The following DGKI variants were observed in gnomAD, a reference collection of about 807,000 sequenced individuals.
DGKI encodes the protein diacylglycerol kinase iota, also known as DAG kinase iota.
Under a neutral mutation model 147.5 loss-of-function variants are expected in DGKI, and 55 were observed. The observed-to-expected ratio is 0.37, with a 90% CI of 0.30 to 0.47. The LOEUF is 0.47. DGKI is among the 20% of genes least tolerant of loss of function. DGKI has a pLI of 1.00. For missense variants in DGKI, 1,007 were observed against 1,323.8 expected, an observed-to-expected ratio of 0.76 and a Z score of 3.71; for synonymous variants, 469 against 477.1, an observed-to-expected ratio of 0.98 and a Z score of 0.22.
chr7:137,752,265 CAA>C (rs3839667), intron 1 of DGKI, among the ~76,000 whole-genome samples: 3 of 142,098 alleles, frequency 2.1e-5, no homozygotes, highest in Admixed American at 7.0e-5. Flanking sequence ...ATCAACAATA[CAA>C]AAAAAAAAAG....
chr7:137,722,696 A>G lies in DGKI; in HGVS notation c.402-32694T>C, dbSNP rs1371946941. The G allele has an allele frequency of 4.4e-6, 7 of 1,578,080 alleles. No homozygotes were observed. The East Asian group carries it at 1.6e-4, about 35-fold the overall frequency. On this transcript the variant is annotated intron_variant, in intron 1 of 32. Coordinates refer to ENST00000614521, the MANE Select transcript of DGKI (RefSeq NM_001321708.2). ...GAAGGTGAGATCTTCGACACAGAAA[A>G]AGAGAAATATGAGATTACGGAGCAG...
intron 27 of DGKI, among the ~76,000 whole-genome samples, chr7:137,453,926 T>TG (rs1287255958): frequency 2.1e-5 from 3 of 144,760 alleles, no homozygotes; most frequent in Admixed American, 2.0e-4. Flanking sequence ...AATATCTTGT[T>TG]TTTTTTTTTT....
intron 3 of DGKI, among the ~76,000 whole-genome samples, chr7:137,656,815 T>A (rs1822242185): frequency 1.3e-5 from 2 of 152,188 alleles, no homozygotes; most frequent in Admixed American, 6.5e-5. Context: ...GCTCCAATAT[T>A]TTGAGCATAT....
At chr7:137,441,846 C>T (rs921782012) in intron 28 of DGKI, among the ~76,000 whole-genome samples, 6 of 152,164 alleles carry the variant, frequency 3.9e-5, no homozygotes, top group African/African-American at 1.4e-4. Context: ...CTTCTCACCT[C>T]TCCTACAAGT....
chr7:137,466,344 T>C (rs995881719), intron 25 of DGKI, among the ~76,000 whole-genome samples: 1 of 152,070 alleles, frequency 6.6e-6, no homozygotes, highest in Non-Finnish European at 1.5e-5. Flanking sequence ...CCAGCAGGAG[T>C]GTATGGTAAG....
intron 19 of DGKI, among the ~76,000 whole-genome samples, chr7:137,569,576 AAAATTAG>A (rs1818714166): frequency 6.6e-6 from 1 of 151,300 alleles, no homozygotes; most frequent in East Asian, 2.0e-4. Context: ...AAAATACAAA[AAAATTAG>A]CCGGGCGTGG....
At chr7:137,668,138 C>T (rs1054706049) in intron 3 of DGKI, among the ~76,000 whole-genome samples, 3 of 152,088 alleles carry the variant, frequency 2.0e-5, no homozygotes, top group Non-Finnish European at 4.4e-5. Context: ...CCTGGGGGAC[C>T]AAGACTGATG....
At chr7:137,420,690 C>G (rs186846870) in intron 28 of DGKI, among the ~76,000 whole-genome samples, 17 of 152,148 alleles carry the variant, frequency 1.1e-4, no homozygotes, top group African/African-American at 3.6e-4. Flanking sequence ...ATTAAAAATT[C>G]TGTCTTAGGT....
At chr7:137,580,875 A>G (rs1019223070) in intron 15 of DGKI, among the ~76,000 whole-genome samples, 10 of 152,144 alleles carry the variant, frequency 6.6e-5, no homozygotes, top group Admixed American at 3.9e-4. Context: ...CTGGAGGGAA[A>G]AAAGTAAAGT....
chr7:137,724,874 G>C (rs940463631), intron 1 of DGKI, among the ~76,000 whole-genome samples: 2 of 152,202 alleles, frequency 1.3e-5, no homozygotes, highest in African/African-American at 4.8e-5. Flanking sequence ...CAAGTAGGGA[G>C]TAGCTGGGAA....
In DGKI at chr7:137,504,849, T is replaced by C. The variant is rs146756657; in HGVS notation, c.2248+17017A>G. Among the ~76,000 whole-genome samples, 429 of 152,160 alleles carry C rather than the reference T, an allele frequency of 2.8e-3. 2 individuals carry two copies. Among genetic ancestry groups the C allele is most frequent in the African/African-American group, 9.8e-3 (407 of 41,514 alleles). On this transcript the variant is annotated intron_variant, in intron 21 of 32. Coordinates refer to ENST00000614521, the MANE Select transcript of DGKI (RefSeq NM_001321708.2). ...CATTTTAGATACAACACCAAAAGCA[T>C]GATCCATGAAAGAAAAAAATGGTTA...
intron 1 of DGKI, among the ~76,000 whole-genome samples, chr7:137,697,131 G>A (rs1172269144): frequency 6.6e-6 from 1 of 152,146 alleles, no homozygotes; most frequent in African/African-American, 2.4e-5. Context: ...CATTTTGGTT[G>A]TTTAAACCAC....
In DGKI at chr7:137,599,862, C is replaced by T; in HGVS notation, c.1211G>A (p.Arg404Gln). ...TTCCTGAGAAAGATCAAAGACTTGCCGTGGATTCAGGTACCACATGAACAT... is the reference window on the plus strand; with the variant it reads ...TTCCTGAGAAAGATCAAAGACTTGCTGTGGATTCAGGTACCACATGAACAT... ...LQMFMWYLNPRQVFDLSQEGP... is the reference protein window; with the variant it reads ...LQMFMWYLNPQQVFDLSQEGP... Residue 404 changes from arginine (R) to glutamine (Q), a missense_variant, in exon 11 of 33, where the codon CGG becomes CAG. This residue lies in a region of DGKI where 224 missense variants were observed against 382.7 expected (regional missense o/e 0.59). Coordinates refer to ENST00000614521, the MANE Select transcript of DGKI (RefSeq NM_001321708.2). 2 of 1,613,778 alleles carry T rather than the reference C, an allele frequency of 1.2e-6. No individual in the cohort carries two copies. Among genetic ancestry groups the T allele is most frequent in the Non-Finnish European group, 8.5e-7 (1 of 1,179,774 alleles).
intron 1 of DGKI, chr7:137,721,856 G>A (rs750499514): frequency 9.7e-6 from 6 of 619,088 alleles, no homozygotes; most frequent in Non-Finnish European, 1.7e-5. Flanking sequence ...CTGGCCCTTG[G>A]CACACATGGT....
intron 6 of DGKI, among the ~76,000 whole-genome samples, chr7:137,642,646 G>A (rs1051135779): frequency 6.6e-6 from 1 of 152,110 alleles, no homozygotes; most frequent in African/African-American, 2.4e-5. Context: ...TTCGGCTAAC[G>A]TTAAAGGAAC....
chr7:137,483,760 T>C (rs542073727), intron 23 of DGKI, among the ~76,000 whole-genome samples: 72 of 152,248 alleles, frequency 4.7e-4, no homozygotes, highest in Non-Finnish European at 1.2e-4. Context: ...TCCATGTCAG[T>C]GCAAAGAACG....
At chr7:137,673,757 T>G (rs943076570) in intron 3 of DGKI, among the ~76,000 whole-genome samples, 1 of 152,218 alleles carries the variant, frequency 6.6e-6, no homozygotes, top group Non-Finnish European at 1.5e-5. Flanking sequence ...GTAGGCAAGT[T>G]TCTTTCAAGT....
intron 6 of DGKI, among the ~76,000 whole-genome samples, chr7:137,636,387 T>C (rs1214231635): frequency 6.6e-6 from 1 of 152,194 alleles, no homozygotes; most frequent in Non-Finnish European, 1.5e-5. Context: ...CTTCCTCTTC[T>C]ATGTTTCCCA....
At chr7:137,524,706 C>T (rs1257817299) in intron 20 of DGKI, among the ~76,000 whole-genome samples, 1 of 152,084 alleles carries the variant, frequency 6.6e-6, no homozygotes, top group Non-Finnish European at 1.5e-5. Context: ...CTATCAGACC[C>T]TAATAGGAGA....
Sources: allele counts gnomAD v4.1 joint callset (sites outside exome capture counted in the v4.1 genomes callset), GRCh38; gene constraint gnomAD v4.1.1; regional missense constraint gnomAD v4.1.1; transcripts MANE v1.5; gene names NCBI Gene and HGNC (gene_info 2026-07-23, HGNC 2026-07-21).